CASKIN1: variants seen among roughly 807,000 people sequenced by gnomAD.
CASKIN1 encodes the protein CASK interacting protein 1, also known as caskin-1.
In CASKIN1, 42 loss-of-function variants were observed where a neutral mutation model predicts 117.5. That is an observed-to-expected ratio of 0.36 (90% CI 0.28 to 0.46). The LOEUF (loss-of-function observed/expected upper bound fraction) is 0.46. Among genes scored for constraint, CASKIN1 ranks in the 20% least tolerant of loss-of-function variants. The probability of loss-of-function intolerance (pLI) is 1.00; values close to 1 mark genes in which losing one functional copy is unlikely to be tolerated. For missense variants in CASKIN1, 2,083 were observed against 2,077.3 expected (o/e 1.00, Z -0.05); for synonymous variants, 1,148 against 961.7 (o/e 1.19, Z -3.59).
chr16:2,195,692 C>T (rs1464077367), intron 1 of CASKIN1, among the ~76,000 whole-genome samples: 6 of 152,216 alleles, frequency 3.9e-5, no homozygotes, highest in Non-Finnish European at 7.3e-5. Context: ...CTGCTGGAGC[C>T]TGCCTGAGCA....
In CASKIN1 at chr16:2,180,952, G is replaced by C; in HGVS notation, c.2416C>G (p.Pro806Ala). ...GTCGGCGGCAGCAGCTGCGGGGTGG[G>C]CTTCACCTTGGCCGTAGCTGGGGCT... ...GPAPATAKVK[P>A]TPQLLPPTER... Residue 806 changes from proline (P) to alanine (A), a missense_variant, in exon 18 of 20, where the codon CCC becomes GCC. This residue lies in a region of CASKIN1 where 1,818 missense variants were observed against 1,688.9 expected (regional missense o/e 1.08). Coordinates refer to ENST00000343516, the MANE Select transcript of CASKIN1 (RefSeq NM_020764.4). 2 of 1,466,518 alleles carry C rather than the reference G, an allele frequency of 1.4e-6. No homozygotes were observed. The highest frequency in any genetic ancestry group is 1.5e-5 in the African/African-American group (1 of 67,702). The allele number at this position is 1,466,518 out of a possible 1,614,324, so 90.8% of individuals were successfully genotyped here. A position where few individuals can be genotyped will look rare whatever the true frequency, so the allele number is the denominator to read the frequency against.
At position 2,196,370 on chromosome 16, in the gene CASKIN1, C is replaced by A. The variant is rs1448255449; in HGVS notation, c.63G>T (p.Arg21Ser). 1.7e-5 allele frequency: 23 copies of A among 1,363,676 alleles called. No individual in the cohort carries two copies. Among genetic ancestry groups the A allele is most frequent in the Non-Finnish European group, 2.1e-5 (22 of 1,045,468 alleles). The allele number at this position is 1,363,676 out of a possible 1,614,324, so 84.5% of individuals were successfully genotyped here. Residue 21 changes from arginine to serine, a missense_variant, in exon 1 of 20, where the codon AGG (arginine) becomes AGT (serine). Coordinates refer to ENST00000343516, the MANE Select transcript of CASKIN1 (RefSeq NM_020764.4). This position sits in a 1 kb window ranked among gnomAD's most constrained non-coding sequence, Gnocchi z 5.7. ...TCCCGGGCCGCGGCCTCTGCAGCAG[C>A]CTCTGCGCGGTCCCTACGTCCTCCG... is the stretch of plus-strand genomic sequence containing the variant. ...VKAEDVGTAQ[R>S]LLQRPRPGKA...
chr16:2,186,762 A>G lies in CASKIN1; in HGVS notation c.993T>C (p.Asn331=). 19 of 1,612,990 alleles carry G rather than the reference A, an allele frequency of 1.2e-5. No homozygotes were observed. Among genetic ancestry groups the G allele is most frequent in the East Asian group, 2.2e-5 (1 of 44,876 alleles). Residue 331 remains asparagine (N), a synonymous_variant, in exon 10 of 20, where the codon AAT becomes AAC. Coordinates refer to ENST00000343516, the MANE Select transcript of CASKIN1 (RefSeq NM_020764.4). ...KGCIHDNRTG[N]DRVGYFPSSL... ...AGGACGGGAAGTAGCCCACCCGGTC[A>G]TTGCCCGTCCGGTTGTCATGGATGC...
rs2093158696 is a variant in CASKIN1, at chr16:2,179,458, TGA to T, written c.3775+133_3775+134del. On this transcript the variant is annotated intron_variant, in intron 18 of 19. Coordinates refer to ENST00000343516, the MANE Select transcript of CASKIN1 (RefSeq NM_020764.4). This position sits in a 1 kb window ranked among gnomAD's most constrained non-coding sequence, Gnocchi z 5.8. ...CACCTTGCCCCCAGCCCTGGATGGA[TGA>T]GAGGGTCTGGGGACACGTTCCCACC... 3 of 1,384,676 alleles carry T rather than the reference TGA, an allele frequency of 2.2e-6. No homozygotes were observed. The East Asian group carries it at 8.4e-5, about 39-fold the overall frequency. The allele number at this position is 1,384,676 out of a possible 1,614,324, so 85.8% of individuals were successfully genotyped here.
Position 2,179,344 on chromosome 16 carries a change from T to C in CASKIN1, c.3776-19A>G, listed in dbSNP as rs1386747393. 2 of 1,314,850 alleles carry C rather than the reference T, an allele frequency of 1.5e-6. No homozygotes were observed. The highest frequency in any genetic ancestry group is 1.6e-5 in the African/African-American group (1 of 64,384). 81.4% of individuals were successfully genotyped at this position (1,314,850 alleles called of 1,614,324 possible). Reference sequence around the variant, plus strand: ...TTCACCTCTGCGGGGAGGACCACGCTGGCACCGAGCGGGCACGAGTTCCGC... The same window carrying C: ...TTCACCTCTGCGGGGAGGACCACGCCGGCACCGAGCGGGCACGAGTTCCGC... On this transcript the variant is annotated intron_variant, in intron 18 of 19. Transcript: ENST00000343516. This position sits in a 1 kb window ranked among gnomAD's most constrained non-coding sequence, Gnocchi z 5.8.
chr16:2,195,246 G>T (rs983646955), intron 1 of CASKIN1, among the ~76,000 whole-genome samples: 1 of 152,154 alleles, frequency 6.6e-6, no homozygotes, highest in African/African-American at 2.4e-5. Context: ...GGTGAAGTAC[G>T]GGGGAGGGGG....
chr16:2,190,041 T>G, intron 3 of CASKIN1, 32 bp downstream of exon 3: 37 of 718,704 alleles, frequency 5.1e-5, no homozygotes, highest in Middle Eastern at 3.6e-4. Flanking sequence ...CCCCCGCCCC[T>G]GCCCCCACCA....
intron 3 of CASKIN1, 116 bp from the exon 4 acceptor site, chr16:2,189,680 G>A: frequency 3.9e-6 from 4 of 1,018,766 alleles, no homozygotes; most frequent in Non-Finnish European, 5.6e-6. Flanking sequence ...GGGTGGGAGG[G>A]CGCTAGGAGC....
At chr16:2,192,278 G>C (rs1334729404) in intron 1 of CASKIN1, among the ~76,000 whole-genome samples, 7 of 151,830 alleles carry the variant, frequency 4.6e-5, no homozygotes, top group Non-Finnish European at 1.5e-5. Flanking sequence ...ATTCCAACCT[G>C]GGTGACAGAG....
rs2093159092 is a variant in CASKIN1 at position 2,179,535 on chromosome 16, C to T, written c.3775+58G>A. 27 of 1,408,312 alleles carry T rather than the reference C, an allele frequency of 1.9e-5. No individual in the cohort carries two copies. The highest frequency in any genetic ancestry group is 2.5e-5 in the Non-Finnish European group (27 of 1,082,926). The allele number at this position is 1,408,312 out of a possible 1,614,324, so 87.2% of individuals were successfully genotyped here. On this transcript the variant is annotated intron_variant, in intron 18 of 19. Transcript: ENST00000343516. The surrounding 1 kb of genome is among the most constrained non-coding windows in gnomAD (Gnocchi z 5.8). ...AGAAAAGGAAAACCCCTCAGACCACCGAGTAAGGAGGTGGAGCAGGGTCCT... is the reference window on the plus strand; with the variant it reads ...AGAAAAGGAAAACCCCTCAGACCACTGAGTAAGGAGGTGGAGCAGGGTCCT...
intron 6 of CASKIN1, among the ~76,000 whole-genome samples, chr16:2,188,353 ATT>A (rs780638184): frequency 8.5e-5 from 11 of 129,504 alleles, no homozygotes; most frequent in Admixed American, 1.5e-4. Context: ...CAACCAGCCG[ATT>A]TTTTTTTTTT....
chr16:2,196,375 G>T lies in CASKIN1; in HGVS notation c.58C>A (p.Gln20Lys). The change falls in exon 1 of 20, where the codon CAG (glutamine) becomes AAG (lysine). Residue 20 changes from glutamine to lysine, a missense_variant. Physicochemically the swap from Gln to Lys is moderately conservative, Grantham distance 53 (BLOSUM62 1). This residue lies in a region of CASKIN1 where 62 missense variants were observed against 49.7 expected (regional missense o/e 1.25). Transcript: ENST00000343516. This position sits in a 1 kb window ranked among gnomAD's most constrained non-coding sequence, Gnocchi z 5.7. ...GGCCGCGGCCTCTGCAGCAGCCTCT[G>T]CGCGGTCCCTACGTCCTCCGCCTTC... ...AVKAEDVGTA[Q>K]RLLQRPRPGK... 2 of 1,367,228 alleles carry T rather than the reference G, an allele frequency of 1.5e-6. No individual in the cohort carries two copies. The allele number at this position is 1,367,228 out of a possible 1,614,324, so 84.7% of individuals were successfully genotyped here.
chr16:2,186,507 C>T (rs1334611324), intron 10 of CASKIN1, among the ~76,000 whole-genome samples, 200 bp downstream of exon 10: 1 of 152,206 alleles, frequency 6.6e-6, no homozygotes, highest in Admixed American at 6.5e-5. Flanking sequence ...GCACACAGTG[C>T]TTGGTAGAAC....
At chr16:2,178,708 C>A in intron 19 of CASKIN1, 62 bp from the exon 20 acceptor site, 1 of 1,449,214 alleles carries the variant, frequency 6.9e-7, no homozygotes, top group African/African-American at 1.5e-5. Flanking sequence ...CCCACCCCGA[C>A]CAGGACACGC....
At chr16:2,187,133 C>T (rs2093187338) in intron 8 of CASKIN1, 33 bp downstream of exon 8, 13 of 1,613,262 alleles carry the variant, frequency 8.1e-6, no homozygotes, top group Non-Finnish European at 1.0e-5. Context: ...GCCCCAGCCC[C>T]AGCCACTGCC....
In CASKIN1 at chr16:2,179,185, G is replaced by C; in HGVS notation, c.3916C>G (p.Gln1306Glu). The C allele has an allele frequency of 1.8e-6, 2 of 1,131,584 alleles. No individual in the cohort carries two copies. Among genetic ancestry groups the C allele is most frequent in the Non-Finnish European group, 2.2e-6 (2 of 923,748 alleles). The allele number at this position is 1,131,584 out of a possible 1,614,324, so 70.1% of individuals were successfully genotyped here. A position where few individuals can be genotyped will look rare whatever the true frequency, so the allele number is the denominator to read the frequency against. ...GGCTTGGCGAGGGCGGCGGGCGGCT[G>C]TCGCGCGGGCGAGGGTGCGGGTGAA... ...GPSPAPSPAR[Q>E]PPAALAKPPG... Residue 1306 changes from glutamine (Q) to glutamate (E), a missense_variant, in exon 19 of 20, where the codon CAG becomes GAG. Physicochemically the swap from Gln to Glu is conservative, Grantham distance 29 (BLOSUM62 2). Coordinates refer to ENST00000343516, the MANE Select transcript of CASKIN1 (RefSeq NM_020764.4). The surrounding 1 kb of genome is among the most constrained non-coding windows in gnomAD (Gnocchi z 5.8).
chr16:2,189,399 C>G lies in CASKIN1; in HGVS notation c.390+20G>C, dbSNP rs527572326. 6.2e-7 allele frequency: 1 copy of G among 1,609,946 alleles called. No homozygotes were observed. Among genetic ancestry groups the G allele is most frequent in the Non-Finnish European group, 8.5e-7 (1 of 1,178,636 alleles). The stretch of plus-strand genomic sequence containing the variant: ...CCGCGCTGCCCCGCCCCCGCTGCCC[C>G]GCCCCCGCTCGGGCCTCACCACATC... On this transcript the variant is annotated intron_variant, in intron 4 of 19. Coordinates refer to ENST00000343516, the MANE Select transcript of CASKIN1 (RefSeq NM_020764.4).
At chr16:2,189,673 T>A in intron 3 of CASKIN1, 109 bp from the exon 4 acceptor site, 1 of 1,089,608 alleles carries the variant, frequency 9.2e-7, no homozygotes, top group Non-Finnish European at 1.3e-6. Context: ...CCCTGGGGGG[T>A]GGGAGGGCGC....
At position 2,179,939 on chromosome 16, in the gene CASKIN1, G is replaced by T. The variant is rs761036930; in HGVS notation, c.3429C>A (p.Thr1143=). 1.9e-6 allele frequency: 3 copies of T among 1,606,124 alleles called. No individual in the cohort carries two copies. Among genetic ancestry groups the T allele is most frequent in the Non-Finnish European group, 2.5e-6 (3 of 1,176,936 alleles). The change falls in exon 18 of 20, where the codon ACC becomes ACA. Residue 1143 remains threonine, a synonymous_variant. Coordinates refer to ENST00000343516, the MANE Select transcript of CASKIN1 (RefSeq NM_020764.4). This position sits in a 1 kb window ranked among gnomAD's most constrained non-coding sequence, Gnocchi z 5.8. ...GCCTGCGCTTGACCGTGTCAGACTCGGTCAGGATGAACTTGACGTTCTCCT... is the reference window on the plus strand; with the variant it reads ...GCCTGCGCTTGACCGTGTCAGACTCTGTCAGGATGAACTTGACGTTCTCCT... ...NQQENVKFIL[T]ESDTVKRRPK...
Sources: gnomAD v4.1 joint callset for allele counts (sites outside exome capture counted in the v4.1 genomes callset) on GRCh38, gnomAD v4.1.1 for gene constraint, gnomAD v4.1.1 regional missense constraint, Gnocchi (gnomAD v3.1) non-coding constraint, MANE v1.5 for transcripts, NCBI Gene and HGNC (gene_info 2026-07-23, HGNC 2026-07-21) for gene names.